The following VWF variants were observed in gnomAD, a reference collection of about 807,000 sequenced individuals.
VWF encodes von Willebrand factor, also known as Factor VIII related antigen.
A neutral mutation model predicts 308.6 loss-of-function variants in VWF; 176 were observed. That is an observed-to-expected ratio of 0.57 (90% CI 0.50 to 0.65). VWF has a LOEUF of 0.65. VWF is among the 30% of genes least tolerant of loss of function. The pLI, the probability that VWF is intolerant of heterozygous loss-of-function variation, is 0.00. For missense variants in VWF, 3,146 were observed against 3,648.2 expected (o/e 0.86, Z 3.55); for synonymous variants, 1,385 against 1,443.4 (o/e 0.96, Z 0.92).
rs996706475 is a variant in VWF at position 6,110,927 on chromosome 12, G to T, written c.262C>A (p.Leu88Ile). ...NGKRVSLSVY[L>I]GEFFDIHLFV... Reference sequence around the variant, plus strand: ...AAATGGATGTCAAAAAATTCCCCAAGATACACGGAGAGGCTCACTCTCTTG... The same window carrying T: ...AAATGGATGTCAAAAAATTCCCCAATATACACGGAGAGGCTCACTCTCTTG... Residue 88 changes from leucine (L) to isoleucine (I), a missense_variant, in exon 4 of 52, where the codon CTT (leucine) becomes ATT (isoleucine). By Grantham distance (5) the Leu-to-Ile change is conservative. Coordinates refer to ENST00000261405, the MANE Select transcript of VWF (RefSeq NM_000552.5). The T allele has an allele frequency of 6.2e-7, 1 of 1,614,150 alleles. No individual in the cohort carries two copies.
intron 50 of VWF, among the ~76,000 whole-genome samples, chr12:5,950,699 T>C (rs887990216): frequency 5.9e-5 from 9 of 152,094 alleles, no homozygotes; most frequent in South Asian, 2.1e-4. Flanking sequence ...TACTATACTA[T>C]GTTGCTGTGG....
In VWF at chr12:6,121,177, T is replaced by C; in HGVS notation, c.217A>G (p.Ile73Val). The C allele has an allele frequency of 6.2e-7, 1 of 1,614,086 alleles. No individual in the cohort carries two copies. ...GGCQKRSFSI[I>V]GDFQNGKRVS... is the part of the protein sequence containing the mutation. ...CCCTGCAGTGCCCAGAACTCACCAATAATCGAGAAGGAGCGTTTCTGGCAG... is the reference window on the plus strand; with the variant it reads ...CCCTGCAGTGCCCAGAACTCACCAACAATCGAGAAGGAGCGTTTCTGGCAG... The change falls in exon 3 of 52, where the codon ATT becomes GTT. Residue 73 changes from isoleucine (I) to valine (V), a missense_variant. Ile to Val is a conservative substitution (Grantham distance 29, BLOSUM62 3). This residue lies in a region of VWF where 1,304 missense variants were observed against 1,353.0 expected (regional missense o/e 0.96). Coordinates refer to ENST00000261405, the MANE Select transcript of VWF (RefSeq NM_000552.5).
At position 6,001,520 on chromosome 12, in the gene VWF, G is replaced by A. The variant is rs1193494205; in HGVS notation, c.5843-5298C>T. Among the ~76,000 whole-genome samples, 3 of 152,246 alleles carry A rather than the reference G, an allele frequency of 2.0e-5. No individual in the cohort carries two copies. The East Asian group carries it at 5.8e-4, about 29-fold the overall frequency. On this transcript the variant is annotated intron_variant, in intron 34 of 51. Coordinates refer to ENST00000261405, the MANE Select transcript of VWF (RefSeq NM_000552.5). ...AAAAGATTAAATGTGACTAATAAGA[G>A]CATTCTGAACAGTATAATTCACAAT...
In VWF at chr12:6,036,376, A is replaced by C. The variant is rs1944336391; in HGVS notation, c.2546+12T>G. 1 of 1,613,550 alleles carries C rather than the reference A, an allele frequency of 6.2e-7. No individual in the cohort carries two copies. The highest frequency in any genetic ancestry group is 1.3e-5 in the African/African-American group (1 of 74,902). ...GCCTGGGTCCCCGGCGCAGCCCCTC[A>C]CTGAGCCTCACCAAGTGTTGCAGCC... On this transcript the variant is annotated intron_variant, in intron 19 of 51. Transcript: ENST00000261405.
At chr12:6,108,471 T>C (rs1945268853) in intron 5 of VWF, among the ~76,000 whole-genome samples, 1 of 150,430 alleles carries the variant, frequency 6.6e-6, no homozygotes, top group African/African-American at 2.4e-5. Context: ...AGACAAGAAG[T>C]AGTACACATA....
In VWF at chr12:5,981,775, G is replaced by A. The variant is rs1299515702; in HGVS notation, c.7287+11C>T. ...CTATTAACTGATAGTTAATAGCCAA[G>A]CAGTCCTTACCTTGTCGGGAAGGCA... On this transcript the variant is annotated intron_variant, in intron 42 of 51. Coordinates refer to ENST00000261405, the MANE Select transcript of VWF (RefSeq NM_000552.5). 8 of 1,613,602 alleles carry A rather than the reference G, an allele frequency of 5.0e-6. No individual in the cohort carries two copies. The highest frequency in any genetic ancestry group is 1.7e-5 in the Admixed American group (1 of 60,012).
intron 47 of VWF, among the ~76,000 whole-genome samples, chr12:5,958,147 A>G (rs971949157): frequency 6.6e-6 from 1 of 152,206 alleles, no homozygotes; most frequent in African/African-American, 2.4e-5. Flanking sequence ...CCAAAAGACA[A>G]AAAAGAATTA....
At chr12:6,079,405 G>A (rs1348972255) in intron 6 of VWF, among the ~76,000 whole-genome samples, 3 of 152,064 alleles carry the variant, frequency 2.0e-5, no homozygotes, top group Non-Finnish European at 4.4e-5. Context: ...AGGAGATCAA[G>A]ACCATCCTGG....
At chr12:5,964,333 C>G (rs575395368) in intron 47 of VWF, among the ~76,000 whole-genome samples, 19 of 139,530 alleles carry the variant, frequency 1.4e-4, no homozygotes, top group African/African-American at 4.5e-4. Context: ...ACTGTCTCAT[C>G]ATTCCCTAAA....
chr12:5,986,714 C>A (rs1303768999), intron 38 of VWF, among the ~76,000 whole-genome samples: 1 of 152,188 alleles, frequency 6.6e-6, no homozygotes, highest in Non-Finnish European at 1.5e-5. Context: ...ATGCCACCTG[C>A]TGTGTGCCAC....
intron 2 of VWF, among the ~76,000 whole-genome samples, chr12:6,121,746 C>T (rs1000188180): frequency 2.0e-5 from 3 of 149,968 alleles, no homozygotes; most frequent in Non-Finnish European, 2.9e-5. Context: ...GCCTGCCCAA[C>T]ATGGCGAAAC....
chr12:6,123,887 G>A (rs150931237), intron 1 of VWF, among the ~76,000 whole-genome samples: 132 of 152,182 alleles, frequency 8.7e-4, no homozygotes, highest in Middle Eastern at 3.4e-3. Flanking sequence ...CTGGCAGAGC[G>A]TACCCCAAGT....
chr12:5,985,496 G>A (rs1943669105), intron 39 of VWF, 67 bp downstream of exon 39: 1 of 1,517,678 alleles, frequency 6.6e-7, no homozygotes, highest in African/African-American at 1.4e-5. Context: ...GTGAAGATGG[G>A]TGGCTGGGGG....
chr12:6,103,943 T>G (rs1228272627), intron 5 of VWF, among the ~76,000 whole-genome samples: 1 of 152,154 alleles, frequency 6.6e-6, no homozygotes, highest in Non-Finnish European at 1.5e-5. Context: ...AAAAATCTTC[T>G]GCACAGCAAA....
At chr12:5,964,300 A>ATACATGCATGCATACATACATACATACAT (rs1267334614) in intron 47 of VWF, among the ~76,000 whole-genome samples, 1 of 151,990 alleles carries the variant, frequency 6.6e-6, no homozygotes, top group East Asian at 1.9e-4. Flanking sequence ...ACATACATAC[A>ATACATGCATGCATACATACATACATACAT]AAAAGCTACC....
intron 16 of VWF, among the ~76,000 whole-genome samples, chr12:6,048,123 C>T (rs532666147): frequency 6.6e-6 from 1 of 152,194 alleles, no homozygotes; most frequent in Non-Finnish European, 1.5e-5. Context: ...ATACTCATTG[C>T]TTTAATTTGC....
In VWF at chr12:6,076,227, A is replaced by G. The variant is rs182625146; in HGVS notation, c.658-676T>C. On this transcript the variant is annotated intron_variant, in intron 6 of 51. Coordinates refer to ENST00000261405, the MANE Select transcript of VWF (RefSeq NM_000552.5). ...CCACTTTGCTGATGCCCTCAACCTG[A>G]TAACACAGGCAGCTTTGGAATTGTC... is the stretch of plus-strand genomic sequence containing the variant. 4.3e-4 allele frequency among the ~76,000 whole-genome samples: 66 copies of G among 152,334 alleles called. No homozygotes were observed. In the East Asian group the frequency reaches 0.011, roughly 25 times the overall value.
intron 5 of VWF, among the ~76,000 whole-genome samples, chr12:6,107,348 T>C (rs1591922329): frequency 6.6e-6 from 1 of 152,232 alleles, no homozygotes; most frequent in Admixed American, 6.5e-5. Flanking sequence ...GTTACATGAC[T>C]CTACGCTTTT....
At position 6,064,395 on chromosome 12, in the gene VWF, G is replaced by A; in HGVS notation, c.1294-11C>T. 6.2e-7 allele frequency: 1 copy of A among 1,613,938 alleles called. No homozygotes were observed. Among genetic ancestry groups the A allele is most frequent in the Non-Finnish European group, 8.5e-7 (1 of 1,180,024 alleles). On this transcript the variant is annotated splice_polypyrimidine_tract_variant and intron_variant, in intron 11 of 51. Transcript: ENST00000261405. Reference sequence around the variant, plus strand: ...GCGGTCATCAGCACACTGCCAAGAGGGAACACAGGGTGACTTTGCTGCACC... The same window carrying A: ...GCGGTCATCAGCACACTGCCAAGAGAGAACACAGGGTGACTTTGCTGCACC...
Sources: allele counts gnomAD v4.1 joint callset (sites outside exome capture counted in the v4.1 genomes callset), GRCh38; gene constraint gnomAD v4.1.1; regional missense constraint gnomAD v4.1.1; transcripts MANE v1.5; gene names NCBI Gene and HGNC (gene_info 2026-07-23, HGNC 2026-07-21).